The following TMCC1 variants were observed in gnomAD, a reference collection of about 807,000 sequenced individuals.
TMCC1 encodes the protein transmembrane and coiled-coil domain family 1.
TMCC1 carries 15 observed loss-of-function variants against 52.4 expected under a neutral mutation model. The observed-to-expected ratio is 0.29, with a 90% CI of 0.19 to 0.44. The LOEUF is 0.44. Ranked by LOEUF, TMCC1 falls within the 20% of genes least tolerant of loss-of-function variation. TMCC1 has a pLI of 1.00. For synonymous variants in TMCC1, 279 were observed against 301.9 expected (o/e 0.92, Z 0.79); for missense variants, 503 against 806.0 (o/e 0.62, Z 4.55).
intron 4 of TMCC1, among the ~76,000 whole-genome samples, chr3:129,706,172 G>A (rs1418855336): frequency 6.6e-6 from 1 of 150,462 alleles, no homozygotes; most frequent in Non-Finnish European, 1.5e-5. Flanking sequence ...ATACAGGCGT[G>A]AGCCACCGCG....
intron 4 of TMCC1, among the ~76,000 whole-genome samples, chr3:129,783,712 AG>A (rs2055732833): frequency 6.6e-6 from 1 of 152,188 alleles, no homozygotes; most frequent in Admixed American, 6.5e-5. Context: ...ATGAGGTAGG[AG>A]GGTAAATAAT....
chr3:129,691,101 G>A (rs2047000571), intron 4 of TMCC1, among the ~76,000 whole-genome samples: 2 of 152,220 alleles, frequency 1.3e-5, no homozygotes, highest in African/African-American at 4.8e-5. Flanking sequence ...CCTCACTGAT[G>A]GCAGCACTAA....
rs183543040 is a variant in TMCC1, at chr3:129,770,201, C to T, written c.576+57602G>A. Among the ~76,000 whole-genome samples, 776 of 152,204 alleles carry T rather than the reference C, an allele frequency of 5.1e-3. 4 individuals are homozygous for T. Among genetic ancestry groups the T allele is most frequent in the Non-Finnish European group, 8.4e-3 (569 of 68,004 alleles). ...AAAGAGCAAAAAAATTCTAACTATA[C>T]GTATTTATTGAGGCATTAAGAAAAA... is the stretch of plus-strand genomic sequence containing the variant. On this transcript the variant is annotated intron_variant, in intron 4 of 6. Transcript: ENST00000393238.
At chr3:129,845,204 ACAC>A (rs1352484629) in intron 2 of TMCC1, among the ~76,000 whole-genome samples, 2 of 151,964 alleles carry the variant, frequency 1.3e-5, no homozygotes, top group Admixed American at 1.3e-4. Flanking sequence ...ACACACACAC[ACAC>A]ACACACACAC....
intron 4 of TMCC1, among the ~76,000 whole-genome samples, chr3:129,818,011 T>C (rs967239548): frequency 2.6e-5 from 4 of 152,142 alleles, no homozygotes; most frequent in African/African-American, 4.8e-5. Context: ...GGTCTCACCA[T>C]GTTGGCCAGG....
intron 4 of TMCC1, among the ~76,000 whole-genome samples, chr3:129,771,317 AATATTTGGCCC>A (rs904176356): frequency 2.0e-5 from 3 of 152,238 alleles, no homozygotes; most frequent in Admixed American, 6.5e-5. Context: ...AGTTTGGCTG[AATATTTGGCCC>A]ATATTTGAAA....
At chr3:129,800,794 T>C (rs889033390) in intron 4 of TMCC1, among the ~76,000 whole-genome samples, 2 of 152,184 alleles carry the variant, frequency 1.3e-5, no homozygotes, top group Non-Finnish European at 2.9e-5. Context: ...CTATTTATTA[T>C]GTGCCTACTA....
intron 4 of TMCC1, among the ~76,000 whole-genome samples, chr3:129,690,502 TTC>T (rs2046952009): frequency 6.6e-6 from 1 of 152,240 alleles, no homozygotes; most frequent in East Asian, 1.9e-4. Context: ...CCAGTGCTGC[TTC>T]TCTTTCTGAA....
intron 4 of TMCC1, among the ~76,000 whole-genome samples, chr3:129,758,367 A>G (rs2053200878): frequency 6.6e-6 from 1 of 152,254 alleles, no homozygotes; most frequent in South Asian, 2.1e-4. Context: ...AGGTGGATAC[A>G]TAATTACAGA....
chr3:129,883,030 T>C (rs2061530869), intron 1 of TMCC1, among the ~76,000 whole-genome samples: 1 of 152,186 alleles, frequency 6.6e-6, no homozygotes, highest in Non-Finnish European at 1.5e-5. Context: ...GGTTTATGCC[T>C]GTAATCCCAG....
At chr3:129,695,981 T>C (rs2047392044) in intron 4 of TMCC1, among the ~76,000 whole-genome samples, 1 of 152,172 alleles carries the variant, frequency 6.6e-6, no homozygotes, top group African/African-American at 2.4e-5. Context: ...ATCAAAATAT[T>C]TTACCCCAAA....
At chr3:129,812,498 T>G (rs2057876215) in intron 4 of TMCC1, among the ~76,000 whole-genome samples, 1 of 152,074 alleles carries the variant, frequency 6.6e-6, no homozygotes, top group African/African-American at 2.4e-5. Flanking sequence ...TACTGAGATT[T>G]CACTTTTAAT....
Position 129,648,995 on chromosome 3 carries a change from GA to G in TMCC1, c.*2485del, listed in dbSNP as rs1316620549. 6.6e-6 allele frequency: 1 copy of G among 152,236 alleles called. No homozygotes were observed. The highest frequency in any genetic ancestry group is 2.4e-5 in the African/African-American group (1 of 41,464). 9.4% of individuals were successfully genotyped at this position (152,236 alleles called of 1,614,324 possible). ...TCCTTCCTAAGACAGTTTGAGAAAG[GA>G]AGATAGAAAGTCAGCATGGGACTAT... On this transcript the variant is annotated 3_prime_UTR_variant, in exon 7 of 7. Coordinates refer to ENST00000393238, the MANE Select transcript of TMCC1 (RefSeq NM_001017395.5).
intron 6 of TMCC1, among the ~76,000 whole-genome samples, chr3:129,653,038 T>TAGTA (rs2086439304): frequency 1.3e-5 from 2 of 152,244 alleles, no homozygotes; most frequent in South Asian, 4.1e-4. Context: ...AAACATGGAA[T>TAGTA]AGTATCACAC....
At chr3:129,745,157 A>G (rs2051816123) in intron 4 of TMCC1, among the ~76,000 whole-genome samples, 1 of 152,244 alleles carries the variant, frequency 6.6e-6, no homozygotes, top group African/African-American at 2.4e-5. Context: ...TTCTGGAGGC[A>G]CTGCTATCTA....
intron 1 of TMCC1, among the ~76,000 whole-genome samples, chr3:129,882,219 C>A (rs901443383): frequency 6.6e-6 from 1 of 151,760 alleles, no homozygotes; most frequent in African/African-American, 2.4e-5. Flanking sequence ...GATATTTCTA[C>A]GAAGGAGATA....
rs376686036 is a variant in TMCC1 at position 129,812,403 on chromosome 3, G to C, written c.576+15400C>G. Among the ~76,000 whole-genome samples the C allele has an allele frequency of 1.1e-4, 14 of 132,584 alleles. No homozygotes were observed. In the East Asian group the frequency reaches 2.3e-3, roughly 22 times the overall value. 87.0% of individuals were successfully genotyped at this position (132,584 alleles called of 152,430 possible). On this transcript the variant is annotated intron_variant, in intron 4 of 6. Coordinates refer to ENST00000393238, the MANE Select transcript of TMCC1 (RefSeq NM_001017395.5). ...GGGCATTATGTAAAAGAGGAAAGAAGAACACCACAACTATAACAAAGAAAC... is the reference window on the plus strand; with the variant it reads ...GGGCATTATGTAAAAGAGGAAAGAACAACACCACAACTATAACAAAGAAAC...
chr3:129,808,828 G>A (rs2057622353), intron 4 of TMCC1, among the ~76,000 whole-genome samples: 1 of 146,030 alleles, frequency 6.8e-6, no homozygotes, highest in African/African-American at 2.5e-5. Flanking sequence ...AGCAGCATAA[G>A]CATGTTATTT....
chr3:129,701,467 GC>G (rs1178200690), intron 4 of TMCC1, among the ~76,000 whole-genome samples: 1 of 152,194 alleles, frequency 6.6e-6, no homozygotes, highest in Non-Finnish European at 1.5e-5. Context: ...CCCATAACCA[GC>G]CAGTGGGTGG....
Sources: gnomAD v4.1 joint callset for allele counts (sites outside exome capture counted in the v4.1 genomes callset) on GRCh38, gnomAD v4.1.1 for gene constraint, MANE v1.5 for transcripts, NCBI Gene and HGNC (gene_info 2026-07-23, HGNC 2026-07-21) for gene names.